SH2D4B: variants seen among roughly 807,000 people sequenced by gnomAD.
SH2D4B encodes SH2 domain containing 4B.
Under a neutral mutation model 61.5 loss-of-function variants are expected in SH2D4B, and 45 were observed. That is an observed-to-expected ratio of 0.73 (90% CI 0.58 to 0.94). The LOEUF (loss-of-function observed/expected upper bound fraction) is 0.94. Ranked by LOEUF, SH2D4B falls within the 40% of genes least tolerant of loss-of-function variation. The probability of loss-of-function intolerance (pLI) is 0.00; values close to 1 mark genes in which losing one functional copy is unlikely to be tolerated. For synonymous variants in SH2D4B, 224 were observed against 220.4 expected (o/e 1.02, Z -0.14); for missense variants, 572 against 574.2 (o/e 1.00, Z 0.04).
At chr10:80,587,479 A>G (rs1169124996) in intron 3 of SH2D4B, among the ~76,000 whole-genome samples, 12 of 152,078 alleles carry the variant, frequency 7.9e-5, no homozygotes, top group Non-Finnish European at 1.6e-4. Context: ...GGGTTTCTCC[A>G]TGTTGGTCAA....
chr10:80,619,329 T>C (rs1423346364), intron 6 of SH2D4B, among the ~76,000 whole-genome samples: 2 of 152,226 alleles, frequency 1.3e-5, no homozygotes, highest in Admixed American at 1.3e-4. Context: ...CTGCAGCCTG[T>C]AACCATGGGA....
intron 5 of SH2D4B, among the ~76,000 whole-genome samples, chr10:80,605,286 C>CT (rs34390639): frequency 0.42 from 63,806 of 150,230 alleles, 13,823 homozygotes; most frequent in East Asian, 0.69. Flanking sequence ...TCTATTTAGG[C>CT]TTTTTTTTTA....
In SH2D4B at chr10:80,644,040, C is replaced by A. The variant is rs150750658; in HGVS notation, c.1257C>A (p.Cys419Ter). ...GAGGAGAGTTACTTCAGGAACCCTG[C>A]GGACAGAGGGACAGCCCACCAGACT... ...VSGGELLQEPCGQRDSPPDYH... is the reference protein window; with the variant it reads ...VSGGELLQEP The change falls in exon 8 of 8, where the codon TGC (cysteine) becomes TGA (stop). Residue 419 changes from cysteine (C) to a stop codon, truncating the protein, a stop_gained. Coordinates refer to ENST00000646907, the MANE Select transcript of SH2D4B (RefSeq NM_001388272.1). LOFTEE classifies it high-confidence loss of function. The A allele has an allele frequency of 2.5e-6, 4 of 1,613,800 alleles. No homozygotes were observed. The highest frequency in any genetic ancestry group is 3.4e-6 in the Non-Finnish European group (4 of 1,179,910).
chr10:80,571,468 G>T lies in SH2D4B; in HGVS notation c.385G>T (p.Asp129Tyr), dbSNP rs755589540. ...KEAEITKKFR[D>Y]ALANEKARIL... Reference sequence around the variant, plus strand: ...GGCAGAGATCACCAAGAAGTTCCGGGATGCTCTGGCCAATGAGAAAGCCCG... The same window carrying T: ...GGCAGAGATCACCAAGAAGTTCCGGTATGCTCTGGCCAATGAGAAAGCCCG... The change falls in exon 3 of 8, where the codon GAT (aspartate) becomes TAT (tyrosine). Residue 129 changes from aspartate (D) to tyrosine (Y), a missense_variant. Asp to Tyr is a radical substitution (Grantham distance 160). Transcript: ENST00000646907. 8 of 1,614,036 alleles carry T rather than the reference G, an allele frequency of 5.0e-6. No individual in the cohort carries two copies. The South Asian group carries it at 7.7e-5, about 16-fold the overall frequency.
At chr10:80,623,039 C>T (rs565094188) in intron 6 of SH2D4B, among the ~76,000 whole-genome samples, 5 of 152,292 alleles carry the variant, frequency 3.3e-5, no homozygotes, top group East Asian at 1.9e-4. Context: ...TTCAGCCTCC[C>T]GAGTAGCTGG....
At chr10:80,605,020 C>G (rs1842501394) in intron 5 of SH2D4B, among the ~76,000 whole-genome samples, 1 of 152,168 alleles carries the variant, frequency 6.6e-6, no homozygotes, top group South Asian at 2.1e-4. Context: ...GTCTCGATTT[C>G]CTGACCTTGT....
intron 6 of SH2D4B, among the ~76,000 whole-genome samples, chr10:80,632,308 G>A (rs1011249338): frequency 9.2e-5 from 14 of 152,126 alleles, no homozygotes; most frequent in African/African-American, 2.7e-4. Flanking sequence ...GAGGTAAAGC[G>A]TATGTTAATC....
chr10:80,635,302 CA>C (rs1429409947), intron 7 of SH2D4B, among the ~76,000 whole-genome samples: 1 of 152,146 alleles, frequency 6.6e-6, no homozygotes, highest in Non-Finnish European at 1.5e-5. Context: ...GGGAGAAAGC[CA>C]GAGGTGGAAC....
intron 1 of SH2D4B, among the ~76,000 whole-genome samples, chr10:80,568,864 C>T (rs1446566683): frequency 3.9e-5 from 6 of 152,184 alleles, no homozygotes; most frequent in Admixed American, 3.3e-4. Context: ...TTCTATTTTT[C>T]AACCTCCTCC....
intron 6 of SH2D4B, among the ~76,000 whole-genome samples, chr10:80,622,931 A>T (rs1008678698): frequency 6.6e-6 from 1 of 151,992 alleles, no homozygotes; most frequent in Non-Finnish European, 1.5e-5. Flanking sequence ...TTATTTATTT[A>T]TTGAGATGGA....
intron 4 of SH2D4B, among the ~76,000 whole-genome samples, chr10:80,596,335 C>G (rs1842385306): frequency 6.6e-6 from 1 of 152,188 alleles, no homozygotes; most frequent in Non-Finnish European, 1.5e-5. Context: ...CTGAATGCCC[C>G]AAACCCTGAG....
intron 7 of SH2D4B, among the ~76,000 whole-genome samples, chr10:80,640,483 G>A (rs752948501): frequency 8.6e-5 from 13 of 151,866 alleles, no homozygotes; most frequent in Admixed American, 2.0e-4. Context: ...GGCTTTGTTC[G>A]GTTCTTTTTA....
chr10:80,630,521 G>A (rs1376198947), intron 6 of SH2D4B, among the ~76,000 whole-genome samples: 2 of 152,196 alleles, frequency 1.3e-5, no homozygotes, highest in Admixed American at 6.5e-5. Context: ...GATCAGCTGA[G>A]CAGGTTGCAC....
intron 6 of SH2D4B, among the ~76,000 whole-genome samples, chr10:80,621,091 C>T (rs375438291): frequency 1.2e-4 from 19 of 152,320 alleles, no homozygotes; most frequent in African/African-American, 3.4e-4. Context: ...CAGTTGTCAA[C>T]GTTTTTAAGA....
chr10:80,585,200 G>T (rs1430247330), intron 3 of SH2D4B, among the ~76,000 whole-genome samples: 3 of 152,180 alleles, frequency 2.0e-5, no homozygotes, highest in South Asian at 2.1e-4. Context: ...CAGACTTAAG[G>T]TTAAGACATA....
At chr10:80,592,695 T>C (rs1366766055) in intron 4 of SH2D4B, among the ~76,000 whole-genome samples, 1 of 151,594 alleles carries the variant, frequency 6.6e-6, no homozygotes, top group Non-Finnish European at 1.5e-5. Flanking sequence ...TGTCTGTTTC[T>C]GTACTCTGTC....
intron 1 of SH2D4B, among the ~76,000 whole-genome samples, chr10:80,562,619 A>G (rs1293804376): frequency 6.6e-6 from 1 of 152,154 alleles, no homozygotes; most frequent in Non-Finnish European, 1.5e-5. Context: ...TACGGATTTC[A>G]TTTCCTCTGG....
intron 3 of SH2D4B, among the ~76,000 whole-genome samples, chr10:80,581,076 C>T (rs932933852): frequency 1.3e-5 from 2 of 152,200 alleles, no homozygotes; most frequent in Non-Finnish European, 2.9e-5. Context: ...TTTCCTTTGT[C>T]GTCCCCATCC....
chr10:80,556,153 T>C (rs1841834832), intron 1 of SH2D4B, among the ~76,000 whole-genome samples: 1 of 152,014 alleles, frequency 6.6e-6, no homozygotes. Flanking sequence ...TTTTTGCACA[T>C]GAATGTCTAA....
Sources: allele counts gnomAD v4.1 joint callset (sites outside exome capture counted in the v4.1 genomes callset), GRCh38; gene constraint gnomAD v4.1.1; transcripts MANE v1.5; gene names NCBI Gene and HGNC (gene_info 2026-07-23, HGNC 2026-07-21).